The following UVRAG variants were observed in gnomAD, a reference collection of about 807,000 sequenced individuals.
The protein encoded by UVRAG is UV radiation resistance-associated gene protein.
A neutral mutation model predicts 78.0 loss-of-function variants in UVRAG; 19 were observed. The ratio of observed to expected loss-of-function variants is 0.24; its 90% CI spans 0.17 to 0.36. UVRAG has a LOEUF of 0.36. Among genes scored for constraint, UVRAG ranks in the 10% least tolerant of loss-of-function variants. UVRAG has a pLI of 1.00. For synonymous variants in UVRAG, 323 were observed against 324.6 expected (o/e 1.00, Z 0.05); for missense variants, 740 against 853.8 (o/e 0.87, Z 1.66).
chr11:75,995,064 A>G (rs1949679425), intron 8 of UVRAG, among the ~76,000 whole-genome samples: 4 of 152,330 alleles, frequency 2.6e-5, no homozygotes, highest in Admixed American at 2.0e-4. Flanking sequence ...TTATCTCAGA[A>G]AGGTAGGACT....
At chr11:76,024,046 A>C (rs553111208) in intron 12 of UVRAG, among the ~76,000 whole-genome samples, 19 of 152,148 alleles carry the variant, frequency 1.2e-4, no homozygotes, top group Non-Finnish European at 2.6e-4. Context: ...TTCTCTGGAG[A>C]CTGGGATATT....
At chr11:76,121,191 G>A (rs1236112790) in intron 14 of UVRAG, among the ~76,000 whole-genome samples, 2 of 152,296 alleles carry the variant, frequency 1.3e-5, no homozygotes, top group South Asian at 2.1e-4. Flanking sequence ...TAGCTAATAT[G>A]AGAATGATCG....
At chr11:75,915,249 GA>G (rs796933631) in intron 6 of UVRAG, 10 of 146,954 alleles carry the variant, frequency 6.8e-5, no homozygotes, top group South Asian at 2.2e-4. Context: ...ACTGCAGAGA[GA>G]AAAAAAAAAG....
At chr11:76,064,820 A>G (rs1951157544) in intron 12 of UVRAG, among the ~76,000 whole-genome samples, 1 of 152,218 alleles carries the variant, frequency 6.6e-6, no homozygotes, top group South Asian at 2.1e-4. Context: ...ATTCATTTCA[A>G]TAAGATTATT....
intron 5 of UVRAG, among the ~76,000 whole-genome samples, chr11:75,891,677 G>A (rs948987313): frequency 6.6e-6 from 1 of 152,160 alleles, no homozygotes; most frequent in Non-Finnish European, 1.5e-5. Context: ...GCTGAGCTGG[G>A]AGGATCAGCA....
At chr11:75,838,582 G>T (rs1305501306) in intron 1 of UVRAG, among the ~76,000 whole-genome samples, 1 of 151,946 alleles carries the variant, frequency 6.6e-6, no homozygotes, top group Non-Finnish European at 1.5e-5. Context: ...TGAACTCCTG[G>T]GCTCAAGTGA....
chr11:75,832,589 C>T (rs1048744653), intron 1 of UVRAG, among the ~76,000 whole-genome samples: 7 of 152,212 alleles, frequency 4.6e-5, no homozygotes, highest in African/African-American at 1.7e-4. Context: ...TTCAGAAGCT[C>T]TCCAAGCTCT....
At chr11:76,004,228 TATTC>T in intron 9 of UVRAG, 139 bp downstream of exon 9, 1 of 759,970 alleles carries the variant, frequency 1.3e-6, no homozygotes, top group Non-Finnish European at 2.2e-6. Context: ...ATTCAACACA[TATTC>T]ATTAATTAAG....
intron 13 of UVRAG, 98 bp from the exon 14 acceptor site, chr11:76,115,826 T>C: frequency 9.4e-7 from 1 of 1,058,846 alleles, no homozygotes; most frequent in Non-Finnish European, 1.4e-6. Flanking sequence ...TTACATTTCC[T>C]CTTTTAGAGT....
At chr11:75,843,377 C>A (rs1945957742) in intron 1 of UVRAG, among the ~76,000 whole-genome samples, 1 of 152,220 alleles carries the variant, frequency 6.6e-6, no homozygotes, top group African/African-American at 2.4e-5. Context: ...TACTCTTCAT[C>A]TACTAACCTG....
intron 13 of UVRAG, among the ~76,000 whole-genome samples, chr11:76,111,706 G>T (rs1334694532): frequency 1.3e-5 from 2 of 151,990 alleles, no homozygotes; most frequent in African/African-American, 2.4e-5. Flanking sequence ...AAAAGTCCTG[G>T]GGCTGTAGTA....
chr11:76,106,759 A>G (rs994897617), intron 13 of UVRAG, among the ~76,000 whole-genome samples: 1 of 152,104 alleles, frequency 6.6e-6, no homozygotes, highest in Non-Finnish European at 1.5e-5. Context: ...AATACAGGGT[A>G]TTTTGGGGTA....
chr11:75,929,334 G>A (rs2135098603), intron 6 of UVRAG, among the ~76,000 whole-genome samples: 1 of 152,282 alleles, frequency 6.6e-6, no homozygotes, highest in South Asian at 2.1e-4. Flanking sequence ...TAGACCTTGT[G>A]TTACTCTGTC....
intron 13 of UVRAG, among the ~76,000 whole-genome samples, chr11:76,081,214 CT>C (rs1305350101): frequency 4.6e-4 from 68 of 146,558 alleles, no homozygotes; most frequent in African/African-American, 5.0e-4. Flanking sequence ...CAGTCTCTCT[CT>C]TTTTTTTTTT....
intron 3 of UVRAG, 124 bp downstream of exon 3, chr11:75,861,904 T>C (rs1946429105): frequency 1.3e-6 from 1 of 754,890 alleles, no homozygotes; most frequent in South Asian, 1.7e-5. Flanking sequence ...ATCTGCTCAA[T>C]TGTTAAATCA....
chr11:75,974,861 C>T (rs1163510086), intron 7 of UVRAG, among the ~76,000 whole-genome samples: 8 of 152,034 alleles, frequency 5.3e-5, no homozygotes, highest in South Asian at 4.1e-4. Flanking sequence ...TCTTTTGCTG[C>T]GTAGAAGCTC....
chr11:75,961,048 T>C (rs1448586889), intron 6 of UVRAG, among the ~76,000 whole-genome samples: 1 of 152,136 alleles, frequency 6.6e-6, no homozygotes, highest in Non-Finnish European at 1.5e-5. Context: ...CCTTTATGGA[T>C]ACCTAGAAGT....
intron 6 of UVRAG, among the ~76,000 whole-genome samples, chr11:75,944,471 A>G (rs1460812763): frequency 6.6e-6 from 1 of 152,184 alleles, no homozygotes; most frequent in Non-Finnish European, 1.5e-5. Flanking sequence ...AAATTTTTAA[A>G]TGCATGGCAT....
intron 5 of UVRAG, among the ~76,000 whole-genome samples, chr11:75,894,414 CAAT>C (rs1947294003): frequency 6.6e-6 from 1 of 151,610 alleles, no homozygotes; most frequent in African/African-American, 2.4e-5. Context: ...CCCTAGACAA[CAAT>C]AATGAGAGTG....
Sources: allele counts gnomAD v4.1 joint callset (sites outside exome capture counted in the v4.1 genomes callset), GRCh38; gene constraint gnomAD v4.1.1; transcripts MANE v1.5; gene names NCBI Gene and HGNC (gene_info 2026-07-23, HGNC 2026-07-21).